The following LIN7A variants were observed in gnomAD, a reference collection of about 807,000 sequenced individuals.
The protein encoded by LIN7A is lin-7 cell polarity scaffold A, also known as protein lin-7 homolog A.
In LIN7A, 25 loss-of-function variants were observed where a neutral mutation model predicts 29.8. That is an observed-to-expected ratio of 0.84 (90% CI 0.61 to 1.17). The LOEUF (loss-of-function observed/expected upper bound fraction) is 1.17. Ranked by LOEUF, LIN7A falls within the 50% of genes most tolerant of loss-of-function variation. LIN7A has a pLI of 0.00. For missense variants in LIN7A, 239 were observed against 287.0 expected, an observed-to-expected ratio of 0.83 and a Z score of 1.21; for synonymous variants, 118 against 107.5, an observed-to-expected ratio of 1.10 and a Z score of -0.60.
At chr12:80,831,391 C>G (rs1203775353) in intron 4 of LIN7A, among the ~76,000 whole-genome samples, 2 of 152,172 alleles carry the variant, frequency 1.3e-5, no homozygotes, top group African/African-American at 4.8e-5. Context: ...AGTTAAAAGT[C>G]TGACCCAAGG....
intron 2 of LIN7A, among the ~76,000 whole-genome samples, chr12:80,881,427 T>A (rs1162141380): frequency 6.6e-6 from 1 of 152,206 alleles, no homozygotes; most frequent in African/African-American, 2.4e-5. Context: ...TTAATTCTGA[T>A]GAATGCAATG....
intron 2 of LIN7A, among the ~76,000 whole-genome samples, chr12:80,887,160 C>T (rs1052214979): frequency 3.9e-5 from 6 of 152,064 alleles, no homozygotes; most frequent in Non-Finnish European, 8.8e-5. Context: ...CCATCTAGTT[C>T]ATTAATAATT....
intron 2 of LIN7A, chr12:80,861,606 T>G (rs942625505): frequency 2.0e-5 from 3 of 152,328 alleles, no homozygotes; most frequent in Non-Finnish European, 4.4e-5. Flanking sequence ...GAGATGCCAC[T>G]GCCTTTACTG....
intron 2 of LIN7A, among the ~76,000 whole-genome samples, chr12:80,855,366 A>G (rs1873545494): frequency 6.6e-6 from 1 of 152,112 alleles, no homozygotes; most frequent in Non-Finnish European, 1.5e-5. Context: ...ATTAAGATTA[A>G]TATCTATACC....
At chr12:80,852,047 G>T (rs1183525484) in intron 2 of LIN7A, among the ~76,000 whole-genome samples, 1 of 152,032 alleles carries the variant, frequency 6.6e-6, no homozygotes, top group Non-Finnish European at 1.5e-5. Flanking sequence ...AATGTATTAG[G>T]CATCTGGGCT....
chr12:80,906,858 C>T (rs533478357), intron 1 of LIN7A, among the ~76,000 whole-genome samples: 1 of 151,990 alleles, frequency 6.6e-6, no homozygotes, highest in Non-Finnish European at 1.5e-5. Flanking sequence ...CAAAAAAGAA[C>T]GGAGCTAGGA....
intron 2 of LIN7A, among the ~76,000 whole-genome samples, chr12:80,857,466 C>A (rs891820884): frequency 2.6e-5 from 4 of 152,062 alleles, no homozygotes; most frequent in African/African-American, 9.7e-5. Context: ...GGATAGAATA[C>A]CATCTTAATA....
intron 5 of LIN7A, among the ~76,000 whole-genome samples, chr12:80,803,938 T>C (rs1471679844): frequency 1.3e-5 from 2 of 152,172 alleles, no homozygotes; most frequent in Non-Finnish European, 2.9e-5. Context: ...GGTGGCAATA[T>C]GAATAAGAGC....
chr12:80,802,226 A>G (rs567722162), intron 5 of LIN7A, among the ~76,000 whole-genome samples: 2 of 152,172 alleles, frequency 1.3e-5, no homozygotes, highest in Admixed American at 6.5e-5. Flanking sequence ...CTTATAAGTG[A>G]GACATGTGGT....
At position 80,807,077 on chromosome 12, in the gene LIN7A, T is replaced by TTTTTTTTTTGTTTTG. The variant is rs1555221364; in HGVS notation, c.*4387_*4388insCAAAACAAAAAAAAA. Among the ~76,000 whole-genome samples, 16 of 115,558 alleles carry TTTTTTTTTTGTTTTG rather than the reference T, an allele frequency of 1.4e-4. 2 individuals are homozygous for TTTTTTTTTTGTTTTG. The highest frequency in any genetic ancestry group is 7.9e-4 in the East Asian group (3 of 3,782). 75.8% of individuals were successfully genotyped at this position (115,558 alleles called of 152,430 possible). ...ATGAAGATGGAGTTTTTTTTTTTTT[T>TTTTTTTTTTGTTTTG]TTTTTTTTTTTTTTGACGGAGTCTC... On this transcript the variant is annotated intron_variant, in intron 5 of 5. Transcript: ENST00000552864.
intron 2 of LIN7A, among the ~76,000 whole-genome samples, chr12:80,883,738 T>A (rs1235815461): frequency 6.6e-6 from 1 of 152,172 alleles, no homozygotes; most frequent in Non-Finnish European, 1.5e-5. Flanking sequence ...TATTTTAAAC[T>A]AAAAAATACA....
At chr12:80,866,285 G>T (rs987595782) in intron 2 of LIN7A, among the ~76,000 whole-genome samples, 15 of 152,118 alleles carry the variant, frequency 9.9e-5, no homozygotes, top group Non-Finnish European at 2.2e-4. Context: ...AAAGTAGTAG[G>T]TACTTGATTA....
chr12:80,796,970 T>A lies in LIN7A; in HGVS notation c.*757A>T, dbSNP rs1870478626. On this transcript the variant is annotated 3_prime_UTR_variant, in exon 6 of 6. Transcript: ENST00000552864. ...AACAAATGCACTCTGATAATATATA[T>A]TTTATAGAATAAATATACATTATAC... The A allele has an allele frequency of 6.6e-6, 1 of 152,046 alleles. No individual in the cohort carries two copies. Among genetic ancestry groups the A allele is most frequent in the Non-Finnish European group, 1.5e-5 (1 of 68,008 alleles). The allele number at this position is 152,046 out of a possible 1,614,324, so 9.4% of individuals were successfully genotyped here. A position where few individuals can be genotyped will look rare whatever the true frequency, so the allele number is the denominator to read the frequency against.
chr12:80,850,396 T>G (rs146430720), intron 2 of LIN7A, among the ~76,000 whole-genome samples: 34 of 152,326 alleles, frequency 2.2e-4, no homozygotes, highest in Non-Finnish European at 4.3e-4. Flanking sequence ...ATCATTGTTA[T>G]GCTGTTGCTG....
In LIN7A at chr12:80,889,369, T is replaced by C; in HGVS notation, c.83A>G (p.Asp28Gly). Residue 28 changes from aspartate to glycine, a missense_variant and splice_region_variant, in exon 2 of 6, where the codon GAT (aspartate) becomes GGT (glycine). Physicochemically the swap from Asp to Gly is moderately conservative, Grantham distance 94. Transcript: ENST00000552864. ...TVVQPLTLDR[D>G]VARAIELLEK... Reference sequence around the variant, plus strand: ...CAGTAATTCAATTGCTCTTGCAACATCTGAATGAAAAAAAATGAAAATAGA... The same window carrying C: ...CAGTAATTCAATTGCTCTTGCAACACCTGAATGAAAAAAAATGAAAATAGA... The C allele has an allele frequency of 6.4e-7, 1 of 1,562,522 alleles. No individual in the cohort carries two copies. The highest frequency in any genetic ancestry group is 8.8e-7 in the Non-Finnish European group (1 of 1,135,016).
chr12:80,927,107 T>C (rs1198092653), intron 1 of LIN7A, among the ~76,000 whole-genome samples: 1 of 151,274 alleles, frequency 6.6e-6, no homozygotes. Flanking sequence ...TTTTCTCCTT[T>C]AATCTGTTAG....
chr12:80,798,524 T>G (rs1592840481), intron 5 of LIN7A, among the ~76,000 whole-genome samples: 1 of 152,252 alleles, frequency 6.6e-6, no homozygotes, highest in South Asian at 2.1e-4. Context: ...CCATTGTGTT[T>G]CCTCAGGAGT....
At chr12:80,871,593 A>T (rs1306532305) in intron 2 of LIN7A, among the ~76,000 whole-genome samples, 1 of 152,010 alleles carries the variant, frequency 6.6e-6, no homozygotes, top group Non-Finnish European at 1.5e-5. Flanking sequence ...TTTTCTAACC[A>T]TTATAAATAT....
At chr12:80,819,017 A>G (rs1271409797) in intron 4 of LIN7A, among the ~76,000 whole-genome samples, 1 of 152,232 alleles carries the variant, frequency 6.6e-6, no homozygotes, top group Non-Finnish European at 1.5e-5. Context: ...ATATACAATA[A>G]TGCCTCCTTA....
Sources: allele counts gnomAD v4.1 joint callset (sites outside exome capture counted in the v4.1 genomes callset), GRCh38; gene constraint gnomAD v4.1.1; transcripts MANE v1.5; gene names NCBI Gene and HGNC (gene_info 2026-07-23, HGNC 2026-07-21).